Variants in KLHL13 observed in about 807,000 individuals in gnomAD.
The protein encoded by KLHL13 is kelch-like protein 13.
Under a neutral mutation model 37.1 loss-of-function variants are expected in KLHL13, and 10 were observed. That is an observed-to-expected ratio of 0.27 (90% CI 0.17 to 0.46). KLHL13 has a LOEUF of 0.46. Among genes scored for constraint, KLHL13 ranks in the 20% least tolerant of loss-of-function variants. The pLI, the probability that KLHL13 is intolerant of heterozygous loss-of-function variation, is 1.00. For synonymous variants in KLHL13, 163 were observed against 181.2 expected, an observed-to-expected ratio of 0.90 and a Z score of 0.81; for missense variants, 360 against 509.3, an observed-to-expected ratio of 0.71 and a Z score of 2.82.
At chrX:118,031,609 A>G (rs868344254) in intron 1 of KLHL13, among the ~76,000 whole-genome samples, 16 of 86,189 alleles carry the variant, frequency 1.9e-4, no homozygotes, top group African/African-American at 3.2e-4. Context: ...ATATTTAGTT[A>G]TATATATATT....
chrX:117,916,089 C>T (rs1231352594), intron 4 of KLHL13, among the ~76,000 whole-genome samples: 3 of 110,491 alleles, frequency 2.7e-5, no homozygotes, highest in Non-Finnish European at 3.8e-5. Flanking sequence ...ACCTGGGAGG[C>T]GGAGGTTGCG....
chrX:117,911,374 T>C (rs1257273697), intron 4 of KLHL13, among the ~76,000 whole-genome samples: 1 of 112,385 alleles, frequency 8.9e-6, no homozygotes, highest in African/African-American at 3.2e-5. Flanking sequence ...ATCTCTAAGG[T>C]TAACACACAC....
intron 1 of KLHL13, among the ~76,000 whole-genome samples, chrX:118,036,455 T>C (rs2054442867): frequency 1.8e-5 from 2 of 111,385 alleles, no homozygotes; most frequent in African/African-American, 6.6e-5. Flanking sequence ...TACAACTATC[T>C]GATCTTTGAC....
intron 4 of KLHL13, among the ~76,000 whole-genome samples, chrX:117,913,444 G>C (rs1213720570): frequency 1.8e-5 from 2 of 112,354 alleles, no homozygotes; most frequent in African/African-American, 3.2e-5. Flanking sequence ...AATTTCATCT[G>C]AGTTCATCTT....
intron 2 of KLHL13, among the ~76,000 whole-genome samples, chrX:117,937,597 A>G (rs917621125): frequency 1.8e-5 from 2 of 111,895 alleles, no homozygotes; most frequent in Admixed American, 9.5e-5. Flanking sequence ...GCAAAAGATG[A>G]CATTATTCCT....
chrX:118,017,902 C>T (rs145577097), intron 1 of KLHL13, among the ~76,000 whole-genome samples: 68 of 111,662 alleles, frequency 6.1e-4, no homozygotes, highest in African/African-American at 2.0e-3. Context: ...GACTGAAACT[C>T]TGTCAGAGCA....
intron 1 of KLHL13, chrX:117,985,093 C>T: frequency 2.7e-6 from 1 of 371,931 alleles, no homozygotes; most frequent in Non-Finnish European, 4.6e-6. Flanking sequence ...ATGATTTTTG[C>T]ATGGTTACCA....
chrX:117,919,852 C>T, intron 3 of KLHL13, 135 bp from the exon 5 acceptor site: 1 of 488,075 alleles, frequency 2.0e-6, no homozygotes, highest in Non-Finnish European at 3.4e-6. Context: ...CAGTCTGCTG[C>T]ACATTTTACT....
At chrX:118,088,462 T>C (rs1024948514) in intron 1 of KLHL13, among the ~76,000 whole-genome samples, 1 of 111,973 alleles carries the variant, frequency 8.9e-6, no homozygotes, top group African/African-American at 3.2e-5. Flanking sequence ...TTATTACCCT[T>C]AACGCAAACA....
At chrX:118,082,120 T>G (rs894609653) in intron 1 of KLHL13, among the ~76,000 whole-genome samples, 1 of 111,124 alleles carries the variant, frequency 9.0e-6, no homozygotes, top group Non-Finnish European at 1.9e-5. Flanking sequence ...TCCTTTTGAA[T>G]ATACAGTCAG....
chrX:117,903,415 A>C (rs1052608535), intron 5 of KLHL13, among the ~76,000 whole-genome samples: 13 of 111,028 alleles, frequency 1.2e-4, no homozygotes, highest in African/African-American at 4.3e-4. Context: ...GGCTTTGTTC[A>C]TTGCTTTAGG....
At chrX:118,054,293 A>C (rs2054662811) in intron 1 of KLHL13, among the ~76,000 whole-genome samples, 1 of 111,456 alleles carries the variant, frequency 9.0e-6, no homozygotes, top group African/African-American at 3.3e-5. Flanking sequence ...TGTTTATCCA[A>C]GCAAAATGAG....
At chrX:117,988,897 C>T (rs192334536) in intron 1 of KLHL13, among the ~76,000 whole-genome samples, 500 of 111,813 alleles carry the variant, frequency 4.5e-3, no homozygotes, top group Non-Finnish European at 6.2e-3. Context: ...AATATACCAA[C>T]TTATATTTTA....
chrX:118,036,429 A>T (rs1022593426), intron 1 of KLHL13, among the ~76,000 whole-genome samples: 12 of 111,438 alleles, frequency 1.1e-4, no homozygotes, highest in Non-Finnish European at 2.3e-4. Context: ...AGCCCTCAGA[A>T]ACAACGCCGC....
chrX:118,077,096 T>C (rs2054937697), intron 1 of KLHL13, among the ~76,000 whole-genome samples: 1 of 111,367 alleles, frequency 9.0e-6, no homozygotes, highest in South Asian at 3.7e-4. Context: ...TCTGGAATCA[T>C]GTGGCACACT....
chrX:117,961,876 G>A (rs758278989), intron 1 of KLHL13, among the ~76,000 whole-genome samples: 3 of 110,184 alleles, frequency 2.7e-5, no homozygotes, highest in African/African-American at 6.6e-5. Flanking sequence ...TTTTAGCCCC[G>A]TGAGACCAGT....
At chrX:117,949,478 T>C (rs1933480573) in intron 1 of KLHL13, among the ~76,000 whole-genome samples, 1 of 111,542 alleles carries the variant, frequency 9.0e-6, no homozygotes, top group Admixed American at 9.6e-5. Context: ...AGACGTTCTA[T>C]AGAGAACCAT....
chrX:117,945,009 A>C (rs896809232), intron 2 of KLHL13, among the ~76,000 whole-genome samples: 1 of 112,156 alleles, frequency 8.9e-6, no homozygotes, highest in Admixed American at 9.5e-5. Flanking sequence ...GATGATAGTA[A>C]AACAGGCTGT....
intron 1 of KLHL13, among the ~76,000 whole-genome samples, chrX:117,951,499 A>C (rs1351069482): frequency 9.0e-6 from 1 of 111,466 alleles, no homozygotes; most frequent in East Asian, 2.8e-4. Flanking sequence ...AGAAAGATAA[A>C]GCTTTTGTTA....
Sources: gnomAD v4.1 joint callset for allele counts (sites outside exome capture counted in the v4.1 genomes callset) on GRCh38, gnomAD v4.1.1 for gene constraint, MANE v1.5 for transcripts, NCBI Gene and HGNC (gene_info 2026-07-23, HGNC 2026-07-21) for gene names.